Variants in CDH18 observed in about 807,000 individuals in gnomAD.
CDH18 encodes the protein cadherin-18.
A neutral mutation model predicts 67.9 loss-of-function variants in CDH18; 31 were observed. The observed-to-expected ratio is 0.46, with a 90% confidence interval of 0.34 to 0.62. The LOEUF is 0.62. Among genes scored for constraint, CDH18 ranks in the 20% least tolerant of loss-of-function variants. The probability of loss-of-function intolerance (pLI) is 0.01; values close to 1 mark genes in which losing one functional copy is unlikely to be tolerated. For missense variants in CDH18, 890 were observed against 975.5 expected (o/e 0.91, Z 1.17); for synonymous variants, 362 against 347.2 (o/e 1.04, Z -0.48).
intron 2 of CDH18, among the ~76,000 whole-genome samples, chr5:19,856,699 G>GAAA (rs1784318475): frequency 8.5e-6 from 1 of 117,618 alleles, no homozygotes; most frequent in African/African-American, 3.0e-5. Context: ...TATGTAAAGA[G>GAAA]GCAGCAAAAA....
At chr5:20,042,057 G>C (rs1740475338) in intron 2 of CDH18, among the ~76,000 whole-genome samples, 1 of 152,246 alleles carries the variant, frequency 6.6e-6, no homozygotes, top group African/African-American at 2.4e-5. Flanking sequence ...GTGAAGCTGT[G>C]AGTTGTGTCA....
At chr5:20,263,260 T>A (rs1744797519) in intron 1 of CDH18, among the ~76,000 whole-genome samples, 1 of 152,126 alleles carries the variant, frequency 6.6e-6, no homozygotes, top group Admixed American at 6.5e-5. Flanking sequence ...TGTTCTCTCA[T>A]GGAACATTTT....
chr5:19,673,664 A>G (rs1759072165), intron 5 of CDH18, among the ~76,000 whole-genome samples: 1 of 152,030 alleles, frequency 6.6e-6, no homozygotes, highest in South Asian at 2.1e-4. Flanking sequence ...TGTATTTTAT[A>G]TTTTCATTCT....
intron 2 of CDH18, among the ~76,000 whole-genome samples, chr5:20,193,059 C>T (rs1446848516): frequency 1.3e-5 from 2 of 152,010 alleles, no homozygotes; most frequent in Non-Finnish European, 2.9e-5. Context: ...TTGAAGAGGT[C>T]ATTCACATCT....
intron 6 of CDH18, among the ~76,000 whole-genome samples, chr5:19,595,159 A>G (rs2150043817): frequency 6.6e-6 from 1 of 152,296 alleles, no homozygotes. Flanking sequence ...TATTTGAAAA[A>G]GTTAGAAAAA....
intron 1 of CDH18, among the ~76,000 whole-genome samples, chr5:20,562,228 T>C (rs559968389): frequency 1.8e-4 from 27 of 151,942 alleles, no homozygotes; most frequent in Admixed American, 3.3e-4. Flanking sequence ...ATCTAATAAA[T>C]TCTTGGAAAT....
intron 8 of CDH18, among the ~76,000 whole-genome samples, chr5:19,549,769 AAAGAAAG>A (rs1737048854): frequency 7.7e-6 from 1 of 129,326 alleles, no homozygotes; most frequent in Admixed American, 7.4e-5. Context: ...AAAGAAAAAG[AAAGAAAG>A]AAAGGAAGAA....
chr5:20,347,386 T>C (rs1011696666), intron 1 of CDH18, among the ~76,000 whole-genome samples: 3 of 152,084 alleles, frequency 2.0e-5, no homozygotes, highest in Non-Finnish European at 4.4e-5. Flanking sequence ...TTTTCTTCCC[T>C]TTTCCCTAAA....
At position 20,514,604 on chromosome 5, in the gene CDH18, G is replaced by T. The variant is rs544209380; in HGVS notation, c.-580+60858C>A. On this transcript the variant is annotated intron_variant, in intron 1 of 14. Coordinates refer to the CDH18 transcript ENST00000507958. ...AGTAGCTAAGTAATGTGCTTGGGTT[G>T]CATGTGTGTCTGGGTGTGTTTGTGT... is the stretch of plus-strand genomic sequence containing the variant. Among the ~76,000 whole-genome samples, 8 of 152,160 alleles carry T rather than the reference G, an allele frequency of 5.3e-5. No individual in the cohort carries two copies. The South Asian group carries it at 1.7e-3, about 32-fold the overall frequency.
chr5:19,505,893 G>C (rs1296754432), intron 10 of CDH18, among the ~76,000 whole-genome samples: 1 of 152,092 alleles, frequency 6.6e-6, no homozygotes, highest in Non-Finnish European at 1.5e-5. Flanking sequence ...AGAAGGAATG[G>C]TACCAGCTCC....
intron 1 of CDH18, among the ~76,000 whole-genome samples, chr5:20,486,291 A>G (rs570387915): frequency 1.6e-4 from 25 of 152,328 alleles, no homozygotes; most frequent in African/African-American, 5.3e-4. Flanking sequence ...ATATTGCAAT[A>G]TGTAAAGATC....
At chr5:19,636,552 T>C (rs1485931290) in intron 5 of CDH18, among the ~76,000 whole-genome samples, 2 of 151,990 alleles carry the variant, frequency 1.3e-5, no homozygotes, top group Non-Finnish European at 2.9e-5. Flanking sequence ...TTTTAAAATT[T>C]TGACTCTTAA....
chr5:20,435,166 T>C (rs1236495593), intron 1 of CDH18, among the ~76,000 whole-genome samples: 2 of 151,970 alleles, frequency 1.3e-5, no homozygotes, highest in Non-Finnish European at 2.9e-5. Context: ...CAAGCTCAAA[T>C]TCAAAGAAAA....
chr5:19,919,502 T>C (rs890857228), intron 2 of CDH18, among the ~76,000 whole-genome samples: 4 of 152,178 alleles, frequency 2.6e-5, no homozygotes, highest in Admixed American at 6.5e-5. Flanking sequence ...GGGTAGCTAC[T>C]ATCAGAATCA....
chr5:20,367,221 G>C (rs1742590781), intron 1 of CDH18, among the ~76,000 whole-genome samples: 1 of 152,160 alleles, frequency 6.6e-6, no homozygotes, highest in South Asian at 2.1e-4. Flanking sequence ...CAACTGGTTA[G>C]ATTCCCAGGA....
chr5:19,621,418 T>C (rs1184343324), intron 5 of CDH18, among the ~76,000 whole-genome samples: 1 of 152,140 alleles, frequency 6.6e-6, no homozygotes, highest in Non-Finnish European at 1.5e-5. Flanking sequence ...TGGATTTATA[T>C]TCTTCTGATG....
intron 9 of CDH18, among the ~76,000 whole-genome samples, chr5:19,540,654 G>C (rs146030118): frequency 6.6e-6 from 1 of 152,164 alleles, no homozygotes. Flanking sequence ...CCATGTGGAA[G>C]TTGCCAAGGC....
At chr5:19,590,124 T>C (rs1253124656) in intron 7 of CDH18, among the ~76,000 whole-genome samples, 2 of 152,124 alleles carry the variant, frequency 1.3e-5, no homozygotes, top group Non-Finnish European at 2.9e-5. Flanking sequence ...GCATAGCTCA[T>C]GTGGAACATA....
At chr5:20,065,857 G>C in intron 2 of CDH18, among the ~76,000 whole-genome samples, 1 of 151,876 alleles carries the variant, frequency 6.6e-6, no homozygotes, top group East Asian at 1.9e-4. Flanking sequence ...TGTATTTCCT[G>C]AATCTTTAAA....
Sources: allele counts gnomAD v4.1 joint callset (sites outside exome capture counted in the v4.1 genomes callset), GRCh38; gene constraint gnomAD v4.1.1; transcripts MANE v1.5; gene names NCBI Gene and HGNC (gene_info 2026-07-23, HGNC 2026-07-21).